Variants in VSTM2B observed in about 807,000 individuals in gnomAD.
The protein encoded by VSTM2B is V-set and transmembrane domain containing 2B, also known as V-set and transmembrane domain-containing protein 2B.
A neutral mutation model predicts 24.0 loss-of-function variants in VSTM2B; 24 were observed. That is an observed-to-expected ratio of 1.00 (90% CI 0.72 to 1.40). VSTM2B has a LOEUF of 1.40. Among genes scored for constraint, VSTM2B ranks in the 40% most tolerant of loss-of-function variants. The pLI is 0.00. For missense variants in VSTM2B, 399 were observed against 416.4 expected (o/e 0.96, Z 0.36); for synonymous variants, 226 against 194.4 (o/e 1.16, Z -1.35).
At chr19:29,553,383 AAAGC>A (rs1161436527) in intron 4 of VSTM2B, among the ~76,000 whole-genome samples, 1 of 152,220 alleles carries the variant, frequency 6.6e-6, no homozygotes, top group Non-Finnish European at 1.5e-5. Flanking sequence ...TGTTAAAACA[AAAGC>A]AAACAAACAG....
chr19:29,531,426 G>T (rs1346576490), intron 4 of VSTM2B, among the ~76,000 whole-genome samples: 2 of 152,188 alleles, frequency 1.3e-5, no homozygotes, highest in South Asian at 2.1e-4. Context: ...CTTCCTGCAG[G>T]CTCCTGGACT....
chr19:29,534,905 C>T (rs746165243), intron 4 of VSTM2B, among the ~76,000 whole-genome samples: 2 of 152,178 alleles, frequency 1.3e-5, no homozygotes, highest in Non-Finnish European at 2.9e-5. Flanking sequence ...GGTAATGCCA[C>T]GAAGGAGAGA....
chr19:29,560,145 C>A (rs113846158), intron 4 of VSTM2B, among the ~76,000 whole-genome samples: 2 of 152,134 alleles, frequency 1.3e-5, no homozygotes, highest in Non-Finnish European at 2.9e-5. Context: ...ACTTTTCAGG[C>A]CTTTGCTCAC....
At chr19:29,559,259 A>G (rs1402503243) in intron 4 of VSTM2B, among the ~76,000 whole-genome samples, 1 of 152,264 alleles carries the variant, frequency 6.6e-6, no homozygotes, top group Non-Finnish European at 1.5e-5. Context: ...TGGCACATAT[A>G]CACCATGGAA....
chr19:29,530,459 C>A (rs371746364), intron 4 of VSTM2B, among the ~76,000 whole-genome samples, 169 bp downstream of exon 4: 3 of 152,204 alleles, frequency 2.0e-5, no homozygotes, highest in East Asian at 3.9e-4. Context: ...CTTCTTCCCG[C>A]GGTTTCTCTG....
chr19:29,550,679 G>A (rs1258509770), intron 4 of VSTM2B, among the ~76,000 whole-genome samples: 2 of 152,312 alleles, frequency 1.3e-5, no homozygotes, highest in South Asian at 2.1e-4. Context: ...ACTGGACAAA[G>A]CAAGTGAAAG....
rs1453086891 is a variant in VSTM2B, at chr19:29,528,565, C to G, written c.297+103C>G. On this transcript the variant is annotated intron_variant, in intron 3 of 4. Transcript: ENST00000335523. ...GCCGCGGCGGCCGCGCATGTGGGGC[C>G]GCGCAAGTAGGGCAGCGATCGCAGC... The G allele has an allele frequency of 2.8e-6, 4 of 1,405,862 alleles. No individual in the cohort carries two copies. The East Asian group carries it at 7.5e-5, about 26-fold the overall frequency. 87.1% of individuals were successfully genotyped at this position (1,405,862 alleles called of 1,614,324 possible).
chr19:29,554,449 C>T (rs1351546117), intron 4 of VSTM2B, among the ~76,000 whole-genome samples: 1 of 152,152 alleles, frequency 6.6e-6, no homozygotes, highest in Non-Finnish European at 1.5e-5. Context: ...AAACTTTTGC[C>T]AGCCACTGCA....
At chr19:29,528,114 G>C (rs1454069609) in intron 2 of VSTM2B, among the ~76,000 whole-genome samples, 1 of 152,134 alleles carries the variant, frequency 6.6e-6, no homozygotes, top group East Asian at 1.9e-4. Context: ...TGAGCCACGC[G>C]GCAGGGCCTA....
Position 29,532,251 on chromosome 19 carries a change from A to T in VSTM2B, c.769+1961A>T, listed in dbSNP as rs1377611656. Among the ~76,000 whole-genome samples, 3 of 152,186 alleles carry T rather than the reference A, an allele frequency of 2.0e-5. No individual in the cohort carries two copies. The South Asian group carries it at 6.2e-4, about 32-fold the overall frequency. On this transcript the variant is annotated intron_variant, in intron 4 of 4. Transcript: ENST00000335523. Reference sequence around the variant, plus strand: ...GTAAATATTACTTCTACCCTCTTCCATCGGCCAGAACTCAGTCACATGGTC... The same window carrying T: ...GTAAATATTACTTCTACCCTCTTCCTTCGGCCAGAACTCAGTCACATGGTC...
At chr19:29,553,711 G>C (rs1970339206) in intron 4 of VSTM2B, among the ~76,000 whole-genome samples, 1 of 152,160 alleles carries the variant, frequency 6.6e-6, no homozygotes, top group South Asian at 2.1e-4. Flanking sequence ...AGAATAACCA[G>C]TTTAGAGAGG....
At chr19:29,535,620 C>G (rs1051063525) in intron 4 of VSTM2B, among the ~76,000 whole-genome samples, 16 of 152,212 alleles carry the variant, frequency 1.1e-4, no homozygotes, top group Admixed American at 3.3e-4. Context: ...CAAAGGGGAG[C>G]ATCCGCGGAT....
chr19:29,531,296 G>C (rs1365875201), intron 4 of VSTM2B, among the ~76,000 whole-genome samples: 1 of 152,208 alleles, frequency 6.6e-6, no homozygotes, highest in Non-Finnish European at 1.5e-5. Flanking sequence ...CCCACAGGGA[G>C]CATCTCTCCT....
chr19:29,562,457 A>T (rs1970552173), intron 4 of VSTM2B, among the ~76,000 whole-genome samples: 1 of 152,154 alleles, frequency 6.6e-6, no homozygotes, highest in African/African-American at 2.4e-5. Context: ...CCTCTGCACT[A>T]CTGAAAATTG....
rs1217776919 is a variant in VSTM2B, at chr19:29,528,420, C to G, written c.268-13C>G. The G allele has an allele frequency of 6.4e-7, 1 of 1,551,116 alleles. No individual in the cohort carries two copies. Among genetic ancestry groups the G allele is most frequent in the African/African-American group, 1.4e-5 (1 of 73,082 alleles). On this transcript the variant is annotated splice_polypyrimidine_tract_variant and intron_variant, in intron 2 of 4. Coordinates refer to ENST00000335523, the MANE Select transcript of VSTM2B (RefSeq NM_001146339.2). ...GCGAGCCTCACGTCTCTCTCTCCCT[C>G]TTTGCATTTTAGGTAACAAATAAGG...
At chr19:29,551,319 T>C (rs1970280959) in intron 4 of VSTM2B, among the ~76,000 whole-genome samples, 1 of 152,216 alleles carries the variant, frequency 6.6e-6, no homozygotes. Context: ...CCTTTACTTT[T>C]AGCACAAGGC....
At position 29,530,267 on chromosome 19, in the gene VSTM2B, T is replaced by TG; in HGVS notation, c.747dup (p.Leu250AlafsTer12). 1 of 1,498,970 alleles carries TG rather than the reference T, an allele frequency of 6.7e-7. No homozygotes were observed. The highest frequency in any genetic ancestry group is 8.8e-7 in the Non-Finnish European group (1 of 1,130,742). 92.9% of individuals were successfully genotyped at this position (1,498,970 alleles called of 1,614,324 possible). A position where few individuals can be genotyped will look rare whatever the true frequency, so the allele number is the denominator to read the frequency against. On this transcript the variant is annotated frameshift_variant, in exon 4 of 5. Transcript: ENST00000335523. LOFTEE classifies it high-confidence loss of function. ...TCGCCGCCATCGGGACAGGCGGTCC[T>TG]GCTGCGCCAGAGGCACGGCTCGGGT...
At chr19:29,527,460 C>T (rs987194251) in intron 2 of VSTM2B, 65 bp downstream of exon 2, 6 of 1,370,284 alleles carry the variant, frequency 4.4e-6, no homozygotes, top group Non-Finnish European at 5.7e-6. Flanking sequence ...GAAGGCTAAC[C>T]CAGGGAGGGA....
At chr19:29,550,918 G>A (rs7260324) in intron 4 of VSTM2B, among the ~76,000 whole-genome samples, 62,076 of 152,044 alleles carry the variant, frequency 0.41, 13,356 homozygotes, top group Middle Eastern at 0.57. Context: ...CAAGGGACCT[G>A]GCCAGGCCCA....
Sources: allele counts gnomAD v4.1 joint callset (sites outside exome capture counted in the v4.1 genomes callset), GRCh38; gene constraint gnomAD v4.1.1; transcripts MANE v1.5; gene names NCBI Gene and HGNC (gene_info 2026-07-23, HGNC 2026-07-21).